The following IL12RB1 variants were observed in gnomAD, a reference collection of about 807,000 sequenced individuals.
The protein encoded by IL12RB1 is interleukin-12 receptor subunit beta-1.
IL12RB1 carries 64 observed loss-of-function variants against 94.4 expected under a neutral mutation model. The ratio of observed to expected loss-of-function variants is 0.68; its 90% CI spans 0.55 to 0.83. IL12RB1 has a LOEUF of 0.83. Ranked by LOEUF, IL12RB1 falls within the 40% of genes least tolerant of loss-of-function variation. The pLI, the probability that IL12RB1 is intolerant of heterozygous loss-of-function variation, is 0.00. For synonymous variants in IL12RB1, 362 were observed against 355.5 expected (o/e 1.02, Z -0.21); for missense variants, 814 against 855.6 (o/e 0.95, Z 0.61).
chr19:18,095,152 C>G (rs1169363425), intron 1 of IL12RB1, among the ~76,000 whole-genome samples: 3 of 152,116 alleles, frequency 2.0e-5, no homozygotes, highest in African/African-American at 7.2e-5. Context: ...GCACTCCAGC[C>G]TGGGCATCAG....
At chr19:18,070,468 C>T (rs365179) in intron 9 of IL12RB1, 291,929 of 948,574 alleles carry the variant, frequency 0.31, 45,704 homozygotes, top group East Asian at 0.37. Flanking sequence ...GAAGCACGAG[C>T]ACACACCCAC....
Position 18,068,386 on chromosome 19 carries a change from T to A in IL12RB1, c.1327+3A>T. ...TGTAAACCTGCAGGTTTGGGTCACTTACCATTGCCCCCAAAGTGGTAGGTG... is the reference window on the plus strand; with the variant it reads ...TGTAAACCTGCAGGTTTGGGTCACTAACCATTGCCCCCAAAGTGGTAGGTG... On this transcript the variant is annotated splice_donor_region_variant and intron_variant, in intron 11 of 16. Coordinates refer to ENST00000593993, the MANE Select transcript of IL12RB1 (RefSeq NM_005535.3). The A allele has an allele frequency of 6.2e-7, 1 of 1,607,482 alleles. No homozygotes were observed. The highest frequency in any genetic ancestry group is 2.2e-5 in the East Asian group (1 of 44,794).
intron 1 of IL12RB1, among the ~76,000 whole-genome samples, chr19:18,085,272 G>A (rs2036250100): frequency 6.6e-6 from 1 of 152,050 alleles, no homozygotes; most frequent in Non-Finnish European, 1.5e-5. Context: ...CTTGAGGGGG[G>A]AAAGATGCTT....
At chr19:18,064,095 T>TGGG (rs1437432840) in intron 12 of IL12RB1, 85 bp from the exon 13 acceptor site, 1 of 830,086 alleles carries the variant, frequency 1.2e-6, no homozygotes, top group Non-Finnish European at 2.0e-6. Context: ...GTGGGTGGGG[T>TGGG]GGGGATTCAT....
At position 18,072,263 on chromosome 19, in the gene IL12RB1, G is replaced by A. The variant is rs1290943691; in HGVS notation, c.870C>T (p.Ser290=). ...VTYRLQLHML[S]CPCKAKATRT... is the part of the protein sequence containing the mutation. ...TGGTGGCCTTGGCCTTACACGGGCA[G>A]GACAGCATGTGGAGCTGTAGTCGGT... The change falls in exon 9 of 17, where the codon TCC becomes TCT. Residue 290 remains serine (S), a synonymous_variant. Transcript: ENST00000593993. The A allele has an allele frequency of 1.9e-6, 3 of 1,613,938 alleles. No homozygotes were observed. In the Admixed American group the frequency reaches 5.0e-5, roughly 27 times the overall value.
chr19:18,081,334 G>A (rs867532162), intron 3 of IL12RB1, among the ~76,000 whole-genome samples: 6 of 151,242 alleles, frequency 4.0e-5, no homozygotes, highest in African/African-American at 1.5e-4. Flanking sequence ...GGCCTCAAGT[G>A]ATCCGCCCAC....
intron 4 of IL12RB1, among the ~76,000 whole-genome samples, 190 bp from the exon 5 acceptor site, chr19:18,077,845 G>C (rs2035601858): frequency 6.6e-6 from 1 of 152,154 alleles, no homozygotes; most frequent in Admixed American, 6.6e-5. Flanking sequence ...CACATACGGT[G>C]GCTCACCCTG....
chr19:18,090,039 G>A (rs1254632039), upstream of IL12RB1, among the ~76,000 whole-genome samples: 1 of 152,220 alleles, frequency 6.6e-6, no homozygotes, highest in East Asian at 1.9e-4. Context: ...GGCAGAGACA[G>A]AGAAAGGGAC....
intron 13 of IL12RB1, 104 bp from the exon 14 acceptor site, chr19:18,062,381 G>T: frequency 1.5e-6 from 1 of 669,130 alleles, no homozygotes; most frequent in Non-Finnish European, 2.6e-6. Flanking sequence ...GCTGATCCTG[G>T]TGCACATGCC....
At chr19:18,080,810 G>C (rs147065674) in intron 4 of IL12RB1, 22 bp downstream of exon 4, 5 of 1,550,280 alleles carry the variant, frequency 3.2e-6, no homozygotes, top group African/African-American at 1.4e-5. Context: ...AAAAACGGAC[G>C]GGGGGAGAAC....
At chr19:18,093,344 A>ATATATATATATATATATATATATATATG (rs1224767884) in intron 1 of IL12RB1, among the ~76,000 whole-genome samples, 15 of 142,696 alleles carry the variant, frequency 1.1e-4, no homozygotes, top group Non-Finnish European at 1.9e-4. Context: ...ATATATATAT[A>ATATATATATATATATATATATATATATG]TATACTTGTG....
chr19:18,082,312 T>G (rs1599555865), intron 2 of IL12RB1, 48 bp from the exon 3 acceptor site: 1 of 1,080,624 alleles, frequency 9.3e-7, no homozygotes, highest in Non-Finnish European at 1.4e-6. Flanking sequence ...TCTGGAGGGG[T>G]CTTCGTGCCT....
At chr19:18,096,178 G>C (rs1036396738) in intron 1 of IL12RB1, among the ~76,000 whole-genome samples, 3 of 152,076 alleles carry the variant, frequency 2.0e-5, no homozygotes, top group Admixed American at 2.0e-4. Context: ...GGAGGTAGAG[G>C]CTGCAATGAG....
At chr19:18,095,878 G>C (rs527728157) in intron 1 of IL12RB1, among the ~76,000 whole-genome samples, 48 of 152,236 alleles carry the variant, frequency 3.2e-4, no homozygotes, top group Admixed American at 2.2e-3. Flanking sequence ...CAGTGGGGCA[G>C]CCGAAGACAA....
In IL12RB1 at chr19:18,059,882, G is replaced by C. The variant is rs745932745; in HGVS notation, c.1983+12C>G. On this transcript the variant is annotated intron_variant, in intron 16 of 16. Coordinates refer to ENST00000593993, the MANE Select transcript of IL12RB1 (RefSeq NM_005535.3). ...TGCACCCCTGACCGTCTGGCCCACT[G>C]GGCCCCAGGACCTTGGCCTTGCACC... 1 of 1,536,872 alleles carries C rather than the reference G, an allele frequency of 6.5e-7. No individual in the cohort carries two copies. The highest frequency in any genetic ancestry group is 8.9e-7 in the Non-Finnish European group (1 of 1,129,684).
At chr19:18,085,367 C>T (rs925020079) in intron 1 of IL12RB1, among the ~76,000 whole-genome samples, 1 of 117,186 alleles carries the variant, frequency 8.5e-6, no homozygotes, top group Non-Finnish European at 1.7e-5. Context: ...GAGCCTAAAG[C>T]CCATCCTCCT....
In IL12RB1 at chr19:18,075,701, C is replaced by T. The variant is rs1355346549; in HGVS notation, c.700+48G>A. The T allele has an allele frequency of 3.2e-6, 5 of 1,563,506 alleles. No individual in the cohort carries two copies. In the African/African-American group the frequency reaches 6.8e-5, roughly 21 times the overall value. The stretch of plus-strand genomic sequence containing the variant: ...TGTGCACCACCACCTCCGGCTGTTG[C>T]CTTATTTCTAATGCTTGCCCCTGTT... On this transcript the variant is annotated intron_variant, in intron 7 of 16. Transcript: ENST00000593993.
intron 1 of IL12RB1, chr19:18,097,822 C>T: frequency 1.6e-6 from 2 of 1,226,998 alleles, no homozygotes; most frequent in African/African-American, 1.6e-5. Context: ...TGCGGCGCCG[C>T]GGGCTCCAGG....
exon 1 of IL12RB1, chr19:18,098,769 T>A (rs1212127324): frequency 8.8e-6 from 4 of 456,588 alleles, no homozygotes; most frequent in Non-Finnish European, 1.8e-5. Flanking sequence ...CGAACATTTA[T>A]GGAGCGCCTG....
Sources: allele counts gnomAD v4.1 joint callset (sites outside exome capture counted in the v4.1 genomes callset), GRCh38; gene constraint gnomAD v4.1.1; transcripts MANE v1.5; gene names NCBI Gene and HGNC (gene_info 2026-07-23, HGNC 2026-07-21).